Variants in DCDC2B observed in about 807,000 individuals in gnomAD.
DCDC2B encodes the protein doublecortin domain containing 2B.
DCDC2B carries 41 observed loss-of-function variants against 38.9 expected under a neutral mutation model. The observed-to-expected ratio is 1.05, with a 90% CI of 0.82 to 1.37. DCDC2B has a LOEUF of 1.37. DCDC2B is among the 40% of genes most tolerant of loss of function. The pLI, the probability that DCDC2B is intolerant of heterozygous loss-of-function variation, is 0.00. For missense variants in DCDC2B, 453 were observed against 427.2 expected (o/e 1.06, Z -0.53); for synonymous variants, 181 against 171.9 (o/e 1.05, Z -0.41).
At position 32,212,639 on chromosome 1, in the gene DCDC2B, A is replaced by C. The variant is rs772237035; in HGVS notation, c.674+3A>C. On this transcript the variant is annotated splice_donor_region_variant and intron_variant, in intron 5 of 8. Coordinates refer to ENST00000409358, the MANE Select transcript of DCDC2B (RefSeq NM_001099434.2). ...CCCTCCCTGCCCAGGGGCTGCTGGT[A>C]TGTATGTGGGAGGTGGAGCGGTAAC... The C allele has an allele frequency of 1.9e-6, 3 of 1,613,842 alleles. No individual in the cohort carries two copies. The South Asian group carries it at 3.3e-5, about 18-fold the overall frequency.
At chr1:32,213,338 T>A (rs1324933552) in intron 6 of DCDC2B, among the ~76,000 whole-genome samples, 1 of 144,636 alleles carries the variant, frequency 6.9e-6, no homozygotes. Flanking sequence ...TCTTAATAAT[T>A]TTTTTTTTTT....
chr1:32,210,281 G>A (rs1040890740), intron 1 of DCDC2B, among the ~76,000 whole-genome samples: 8 of 149,650 alleles, frequency 5.3e-5, no homozygotes, highest in African/African-American at 7.4e-5. Context: ...AGCCGAGATC[G>A]TGCCACTGCA....
chr1:32,214,642 G>C (rs1239999345), intron 6 of DCDC2B, 155 bp from the exon 7 acceptor site: 6 of 1,061,824 alleles, frequency 5.7e-6, no homozygotes, highest in African/African-American at 4.8e-5. Context: ...GGTGGGAAGA[G>C]GCAGCAAGGA....
chr1:32,212,558 C>G lies in DCDC2B; in HGVS notation c.596C>G (p.Ala199Gly). Residue 199 changes from alanine (A) to glycine (G), a missense_variant, in exon 5 of 9, where the codon GCT becomes GGT. Transcript: ENST00000409358. ...KELVTGHYYV[A>G]VGEDEFKDLP... ...CTGGTAACTGGCCATTACTATGTGG[C>G]TGTCGGAGAGGATGAGTTCAAGGAC... 6.2e-7 allele frequency: 1 copy of G among 1,614,046 alleles called. No homozygotes were observed. The highest frequency in any genetic ancestry group is 8.5e-7 in the Non-Finnish European group (1 of 1,179,908).
chr1:32,212,720 T>G lies in DCDC2B; in HGVS notation c.675-34T>G. 4 of 1,613,806 alleles carry G rather than the reference T, an allele frequency of 2.5e-6. No individual in the cohort carries two copies. In the South Asian group the frequency reaches 3.3e-5, roughly 13 times the overall value. ...CTGTGTGCTTTGACTCTATGCCCTC[T>G]GCCCACTACAAGCCTTTCCTTTTGT... On this transcript the variant is annotated intron_variant, in intron 5 of 8. Transcript: ENST00000409358.
intron 1 of DCDC2B, 110 bp downstream of exon 1, chr1:32,209,469 C>CT: frequency 6.8e-7 from 1 of 1,473,504 alleles, no homozygotes; most frequent in South Asian, 1.3e-5. Context: ...TTACTGAACT[C>CT]TATGTAGGGG....
At chr1:32,214,580 G>A in intron 6 of DCDC2B, 1 of 579,314 alleles carries the variant, frequency 1.7e-6, no homozygotes. Context: ...GGTTTCACTG[G>A]GCATCGAGGA....
Position 32,212,200 on chromosome 1 carries a change from A to C in DCDC2B, c.526A>C (p.Lys176Gln). ...KVKLQSGAVC[K>Q]LCTLEGLPLS... ...CAAGTTGCAGAGTGGGGCTGTGTGC[A>C]AGTGAGTATGGGGACTGCGAGGGCC... is the stretch of plus-strand genomic sequence containing the variant. Residue 176 changes from lysine to glutamine, a missense_variant and splice_region_variant, in exon 4 of 9, where the codon AAA becomes CAA. Physicochemically the swap from Lys to Gln is moderately conservative, Grantham distance 53 (BLOSUM62 1). Transcript: ENST00000409358. 6.2e-7 allele frequency: 1 copy of C among 1,612,954 alleles called. No individual in the cohort carries two copies. Among genetic ancestry groups the C allele is most frequent in the Non-Finnish European group, 8.5e-7 (1 of 1,179,704 alleles).
At chr1:32,210,325 TA>T (rs905848009) in intron 1 of DCDC2B, among the ~76,000 whole-genome samples, 1,127 of 78,742 alleles carry the variant, frequency 0.014, 12 homozygotes, top group African/African-American at 0.042. Context: ...AAACTCCATC[TA>T]AAAAAAAAAA....
chr1:32,210,422 C>T (rs1278567640), intron 1 of DCDC2B, among the ~76,000 whole-genome samples: 3 of 151,164 alleles, frequency 2.0e-5, no homozygotes, highest in East Asian at 1.9e-4. Context: ...CGCTTGAACC[C>T]GTGAGGCGGA....
At position 32,215,522 on chromosome 1, in the gene DCDC2B, G is replaced by A. The variant is rs1638310164; in HGVS notation, c.933G>A (p.Gln311=). 1 of 1,613,646 alleles carries A rather than the reference G, an allele frequency of 6.2e-7. No individual in the cohort carries two copies. The highest frequency in any genetic ancestry group is 1.3e-5 in the African/African-American group (1 of 74,920). Residue 311 remains glutamine, a synonymous_variant, in exon 8 of 9, where the codon CAG becomes CAA. Transcript: ENST00000409358. ...AAGTAGCAGATGATGAAGACACTCA[G>A]ACAGAGGAGCCCTTGGATCAGGTAA... is the stretch of plus-strand genomic sequence containing the variant. ...ALEVADDEDT[Q]TEEPLDQRAA...
At chr1:32,212,006 C>T in intron 3 of DCDC2B, 64 bp from the exon 4 acceptor site, 1 of 1,579,880 alleles carries the variant, frequency 6.3e-7, no homozygotes, top group Non-Finnish European at 8.6e-7. Flanking sequence ...GGCCCTGTGC[C>T]ACCCTTCCCC....
rs112712205 is a variant in DCDC2B, at chr1:32,212,669, C to T, written c.674+33C>T. 150 of 1,612,998 alleles carry T rather than the reference C, an allele frequency of 9.3e-5. 2 individuals are homozygous for T. In the African/African-American group the frequency reaches 1.4e-3, roughly 15 times the overall value. On this transcript the variant is annotated intron_variant, in intron 5 of 8. Coordinates refer to ENST00000409358, the MANE Select transcript of DCDC2B (RefSeq NM_001099434.2). ...TGTGGGAGGTGGAGCGGTAACAGGC[C>T]GGGCAGAGGAAGCCACCCTCTGGGT... is the stretch of plus-strand genomic sequence containing the variant.
rs1638325953 is a variant in DCDC2B, at chr1:32,215,698, A to C, written c.955-104A>C. 4 of 1,139,350 alleles carry C rather than the reference A, an allele frequency of 3.5e-6. No individual in the cohort carries two copies. The South Asian group carries it at 6.0e-5, about 17-fold the overall frequency. 70.6% of individuals were successfully genotyped at this position (1,139,350 alleles called of 1,614,324 possible). The stretch of plus-strand genomic sequence containing the variant: ...CTTGTTAAATGAGGAAGCAGTTCCT[A>C]ATTTCCAGTTTCTTCCTTCCTTGGG... On this transcript the variant is annotated intron_variant, in intron 8 of 8. Coordinates refer to ENST00000409358, the MANE Select transcript of DCDC2B (RefSeq NM_001099434.2).
chr1:32,212,031 T>C, intron 3 of DCDC2B, 39 bp from the exon 4 acceptor site: 2 of 1,599,364 alleles, frequency 1.3e-6, no homozygotes, highest in Non-Finnish European at 1.7e-6. Flanking sequence ...ATGTAGGGAC[T>C]CCTGGGGACA....
chr1:32,209,526 C>T (rs1402172855), intron 1 of DCDC2B, among the ~76,000 whole-genome samples, 167 bp downstream of exon 1: 2 of 152,112 alleles, frequency 1.3e-5, no homozygotes, highest in African/African-American at 4.8e-5. Context: ...AGAAAACCTG[C>T]CTAAAAGTAC....
At chr1:32,210,572 T>C (rs567637739) in intron 1 of DCDC2B, among the ~76,000 whole-genome samples, 8 of 152,246 alleles carry the variant, frequency 5.3e-5, no homozygotes, top group Non-Finnish European at 1.2e-4. Context: ...AATCTAGGCT[T>C]CATTCCTTGT....
chr1:32,212,305 C>T, intron 4 of DCDC2B, 104 bp downstream of exon 4: 2 of 1,557,858 alleles, frequency 1.3e-6, no homozygotes, highest in Non-Finnish European at 1.7e-6. Flanking sequence ...CATGTTCCCC[C>T]ACATGGGACT....
chr1:32,215,629 C>T, intron 8 of DCDC2B, 86 bp downstream of exon 8: 7 of 1,290,466 alleles, frequency 5.4e-6, no homozygotes, highest in Non-Finnish European at 7.6e-6. Context: ...AGGAACAGTT[C>T]TCCTCCCTTG....
Sources: allele counts gnomAD v4.1 joint callset (sites outside exome capture counted in the v4.1 genomes callset), GRCh38; gene constraint gnomAD v4.1.1; transcripts MANE v1.5; gene names NCBI Gene and HGNC (gene_info 2026-07-23, HGNC 2026-07-21).